ZFPM1: variants seen among roughly 807,000 people sequenced by gnomAD.
ZFPM1 encodes zinc finger protein, FOG family member 1.
Under a neutral mutation model 46.3 loss-of-function variants are expected in ZFPM1, and 28 were observed. The ratio of observed to expected loss-of-function variants is 0.60; its 90% CI spans 0.45 to 0.83. ZFPM1 has a LOEUF of 0.83. ZFPM1 is among the 40% of genes least tolerant of loss of function. The probability of loss-of-function intolerance (pLI) is 0.00; values close to 1 mark genes in which losing one functional copy is unlikely to be tolerated. For missense variants in ZFPM1, 1,878 were observed against 1,432.4 expected, an observed-to-expected ratio of 1.31 and a Z score of -5.02; for synonymous variants, 957 against 675.9, an observed-to-expected ratio of 1.42 and a Z score of -6.45.
intron 6 of ZFPM1, among the ~76,000 whole-genome samples, chr16:88,531,544 G>C (rs1597288268): frequency 6.6e-6 from 1 of 152,186 alleles, no homozygotes; most frequent in African/African-American, 2.4e-5. Context: ...TGAGTGCCCA[G>C]GGACTGTGTG....
intron 3 of ZFPM1, among the ~76,000 whole-genome samples, chr16:88,489,961 G>C (rs1272628598): frequency 6.6e-6 from 1 of 152,178 alleles, no homozygotes; most frequent in Non-Finnish European, 1.5e-5. Context: ...GCAGAGGCGG[G>C]GTGGGGGTCG....
At chr16:88,487,947 C>A (rs889307833) in intron 2 of ZFPM1, among the ~76,000 whole-genome samples, 1 of 152,222 alleles carries the variant, frequency 6.6e-6, no homozygotes, top group Non-Finnish European at 1.5e-5. Flanking sequence ...CTGTCCTTGC[C>A]GCCGTCCCCG....
chr16:88,500,914 G>C (rs375978617), intron 3 of ZFPM1, among the ~76,000 whole-genome samples: 59 of 152,372 alleles, frequency 3.9e-4, no homozygotes, highest in African/African-American at 1.4e-3. Context: ...TCACCTGACC[G>C]ACAGGTACAG....
intron 1 of ZFPM1, among the ~76,000 whole-genome samples, chr16:88,463,305 AG>A (rs1907983080): frequency 6.6e-6 from 1 of 152,196 alleles, no homozygotes; most frequent in Non-Finnish European, 1.5e-5. Flanking sequence ...AGGTGCCTGC[AG>A]CTGCCCCCTC....
chr16:88,528,958 A>G (rs1200050361), intron 6 of ZFPM1, among the ~76,000 whole-genome samples: 1 of 151,606 alleles, frequency 6.6e-6, no homozygotes, highest in Non-Finnish European at 1.5e-5. Context: ...TCTCTCGGAA[A>G]CTCTGAGGGT....
At chr16:88,464,457 G>A (rs10163348) in intron 1 of ZFPM1, among the ~76,000 whole-genome samples, 66,347 of 152,212 alleles carry the variant, frequency 0.44, 16,602 homozygotes, top group African/African-American at 0.68. Flanking sequence ...TTTCCACTTC[G>A]TGGGCCTGGA....
At chr16:88,488,618 G>C (rs1285441665) in intron 2 of ZFPM1, among the ~76,000 whole-genome samples, 1 of 152,212 alleles carries the variant, frequency 6.6e-6, no homozygotes, top group Non-Finnish European at 1.5e-5. Context: ...TCGGGGCCGA[G>C]GTGGTTATCA....
chr16:88,525,251 C>T (rs943603510), intron 4 of ZFPM1, among the ~76,000 whole-genome samples: 3 of 152,230 alleles, frequency 2.0e-5, no homozygotes, highest in Non-Finnish European at 4.4e-5. Flanking sequence ...CCCACAGGGT[C>T]CCACGCGTGC....
chr16:88,487,038 T>C (rs980768505), intron 2 of ZFPM1, among the ~76,000 whole-genome samples: 4 of 152,296 alleles, frequency 2.6e-5, no homozygotes, highest in Non-Finnish European at 5.9e-5. Flanking sequence ...TGGGCCCTCC[T>C]GGTGGCCAAT....
At chr16:88,479,302 G>C (rs1186534307) in intron 1 of ZFPM1, among the ~76,000 whole-genome samples, 1 of 152,086 alleles carries the variant, frequency 6.6e-6, no homozygotes, top group African/African-American at 2.4e-5. Flanking sequence ...TCCCTGCTTG[G>C]CGAGATTCAC....
intron 3 of ZFPM1, among the ~76,000 whole-genome samples, chr16:88,506,364 T>C (rs73248108): frequency 0.073 from 11,175 of 152,098 alleles, 515 homozygotes; most frequent in South Asian, 0.13. Flanking sequence ...TGGGGTCTTC[T>C]AGGGCAGGGC....
At position 88,533,625 on chromosome 16, in the gene ZFPM1, A is replaced by G; in HGVS notation, c.1667A>G (p.Gln556Arg). The change falls in exon 10 of 10, where the codon CAG becomes CGG. Residue 556 changes from glutamine (Q) to arginine (R), a missense_variant. Gln to Arg is a conservative substitution (Grantham distance 43). Coordinates refer to ENST00000319555, the MANE Select transcript of ZFPM1 (RefSeq NM_153813.3). ...GAGCTGGTGCACAGCCGGCTGCAGC[A>G]GGGCGCGGGCGCGGGCGCCGGCGGC... ...MSELVHSRLQ[Q>R]GAGAGAGGAQ... 4.1e-6 allele frequency: 6 copies of G among 1,467,814 alleles called. No homozygotes were observed. The highest frequency in any genetic ancestry group is 4.1e-4 in the Middle Eastern group (2 of 4,914). The allele number at this position is 1,467,814 out of a possible 1,614,324, so 90.9% of individuals were successfully genotyped here. A position where few individuals can be genotyped will look rare whatever the true frequency, so the allele number is the denominator to read the frequency against.
rs559527184 is a variant in ZFPM1, at chr16:88,515,547, G to A, written c.402+1027G>A. 3.9e-5 allele frequency among the ~76,000 whole-genome samples: 6 copies of A among 152,338 alleles called. No homozygotes were observed. In the South Asian group the frequency reaches 1.0e-3, roughly 26 times the overall value. ...GCTGCAAGCTTATCTGTGGTGCAGG[G>A]AAGCCCAGGGCACCCCTGTCTGCCA... On this transcript the variant is annotated intron_variant, in intron 4 of 9. Coordinates refer to ENST00000319555, the MANE Select transcript of ZFPM1 (RefSeq NM_153813.3).
At chr16:88,516,294 G>C (rs186202733) in intron 4 of ZFPM1, 128 of 398,296 alleles carry the variant, frequency 3.2e-4, no homozygotes, top group African/African-American at 2.5e-3. Flanking sequence ...CTTTGCCCTA[G>C]CTGCAGTCAC....
chr16:88,490,299 G>T (rs993555085), intron 3 of ZFPM1, among the ~76,000 whole-genome samples: 2 of 152,268 alleles, frequency 1.3e-5, no homozygotes, highest in African/African-American at 2.4e-5. Flanking sequence ...TGATCCGCCC[G>T]CCTCGGCCTC....
Position 88,534,318 on chromosome 16 carries a change from C to G in ZFPM1, c.2360C>G (p.Pro787Arg), listed in dbSNP as rs754395840. ...SGPGLAPARS[P>R]GPAADGPIDL... ...CCCGGCCTCGCCCCTGCGCGCTCGC[C>G]CGGCCCCGCGGCCGACGGCCCCATC... Residue 787 changes from proline to arginine, a missense_variant, in exon 10 of 10, where the codon CCC (proline) becomes CGC (arginine). Coordinates refer to ENST00000319555, the MANE Select transcript of ZFPM1 (RefSeq NM_153813.3). The G allele has an allele frequency of 3.5e-5, 47 of 1,328,122 alleles. No homozygotes were observed. The highest frequency in any genetic ancestry group is 5.2e-5 in the South Asian group (3 of 57,412). 82.3% of individuals were successfully genotyped at this position (1,328,122 alleles called of 1,614,324 possible).
At chr16:88,461,105 GCCCT>G (rs1567525679) in intron 1 of ZFPM1, among the ~76,000 whole-genome samples, 1 of 96,906 alleles carries the variant, frequency 1.0e-5, no homozygotes, top group Non-Finnish European at 1.9e-5. Context: ...GGGGCAGGAG[GCCCT>G]GGTGAGGACC....
At chr16:88,519,761 G>T (rs762830808) in intron 4 of ZFPM1, among the ~76,000 whole-genome samples, 4 of 140,980 alleles carry the variant, frequency 2.8e-5, no homozygotes, top group Non-Finnish European at 4.6e-5. Context: ...TGGACAGATG[G>T]ATGGTGGGTG....
At chr16:88,518,136 C>T (rs567064627) in intron 4 of ZFPM1, among the ~76,000 whole-genome samples, 8 of 151,242 alleles carry the variant, frequency 5.3e-5, no homozygotes, top group Admixed American at 2.0e-4. Context: ...ACCCGGGAGG[C>T]GGAGCTTGCG....
Sources: gnomAD v4.1 joint callset for allele counts (sites outside exome capture counted in the v4.1 genomes callset) on GRCh38, gnomAD v4.1.1 for gene constraint, MANE v1.5 for transcripts, NCBI Gene and HGNC (gene_info 2026-07-23, HGNC 2026-07-21) for gene names.